The following KYNU variants were observed in gnomAD, a reference collection of about 807,000 sequenced individuals.
The protein encoded by KYNU is kynureninase, also known as L-kynurenine hydrolase.
In KYNU, 54 loss-of-function variants were observed where a neutral mutation model predicts 59.2. The observed-to-expected ratio is 0.91, with a 90% CI of 0.73 to 1.14. The LOEUF (loss-of-function observed/expected upper bound fraction) is 1.14. Among genes scored for constraint, KYNU ranks in the 50% most tolerant of loss-of-function variants. The pLI is 0.00. For missense variants in KYNU, 567 were observed against 554.4 expected, an observed-to-expected ratio of 1.02 and a Z score of -0.23; for synonymous variants, 177 against 192.0, an observed-to-expected ratio of 0.92 and a Z score of 0.65.
chr2:142,885,174 C>T (rs1681459996), intron 1 of KYNU, among the ~76,000 whole-genome samples, 175 bp from the exon 2 acceptor site: 1 of 149,680 alleles, frequency 6.7e-6, no homozygotes, highest in African/African-American at 2.5e-5. Flanking sequence ...CTATTTTCTT[C>T]TTTTCATATA....
intron 7 of KYNU, 103 bp from the exon 8 acceptor site, chr2:142,960,521 A>AC: frequency 9.5e-7 from 1 of 1,049,548 alleles, no homozygotes; most frequent in Non-Finnish European, 1.4e-6. Flanking sequence ...AAAAAAAACT[A>AC]TTTTATAATG....
intron 11 of KYNU, among the ~76,000 whole-genome samples, chr2:143,032,768 A>C (rs1686794625): frequency 1.8e-5 from 1 of 54,880 alleles, no homozygotes; most frequent in African/African-American, 5.4e-5. Flanking sequence ...AAGAGAAACC[A>C]CTTGACCTAA....
intron 1 of KYNU, among the ~76,000 whole-genome samples, chr2:142,885,001 G>A (rs558482648): frequency 7.4e-6 from 1 of 134,502 alleles, no homozygotes; most frequent in East Asian, 2.3e-4. Context: ...CACTTTGGGA[G>A]GCCGAGGTGG....
intron 2 of KYNU, among the ~76,000 whole-genome samples, chr2:142,911,328 A>G (rs568446229): frequency 6.6e-6 from 1 of 151,996 alleles, no homozygotes; most frequent in African/African-American, 2.4e-5. Flanking sequence ...CGCTGTTGCA[A>G]ATGGGATTGT....
chr2:143,024,966 CTT>C (rs1258488973), intron 10 of KYNU, among the ~76,000 whole-genome samples: 3 of 151,948 alleles, frequency 2.0e-5, no homozygotes, highest in African/African-American at 7.2e-5. Context: ...TCACAACTAT[CTT>C]TTGTCCCTTG....
Position 142,972,811 on chromosome 2 carries a change from TATAG to T in KYNU, c.729+12043_729+12046del, listed in dbSNP as rs1331824135. Among the ~76,000 whole-genome samples the T allele has an allele frequency of 3.1e-3, 413 of 132,272 alleles. 2 individuals are homozygous for T. The highest frequency in any genetic ancestry group is 0.01 in the African/African-American group (333 of 32,148). The allele number at this position is 132,272 out of a possible 152,430, so 86.8% of individuals were successfully genotyped here. A position where few individuals can be genotyped will look rare whatever the true frequency, so the allele number is the denominator to read the frequency against. Reference sequence around the variant, plus strand: ...GAGGCCATATATATATATATATATATATAGAGAGAGAGAGAGAGAGAGAGAGAGA... The same window carrying T: ...GAGGCCATATATATATATATATATATAGAGAGAGAGAGAGAGAGAGAGAGA... On this transcript the variant is annotated intron_variant, in intron 8 of 13. Coordinates refer to ENST00000264170, the MANE Select transcript of KYNU (RefSeq NM_003937.3).
intron 4 of KYNU, among the ~76,000 whole-genome samples, chr2:142,928,583 G>T (rs1219922025): frequency 6.6e-6 from 1 of 152,160 alleles, no homozygotes; most frequent in East Asian, 1.9e-4. Context: ...AGTGGGGAAA[G>T]CTGGACTTAT....
intron 4 of KYNU, among the ~76,000 whole-genome samples, chr2:142,934,187 G>A (rs2105031734): frequency 6.6e-6 from 1 of 152,302 alleles, no homozygotes; most frequent in South Asian, 2.1e-4. Flanking sequence ...TTAGGCCTAT[G>A]CGAGTTGCTT....
At chr2:142,906,693 T>G (rs1054017450) in intron 2 of KYNU, among the ~76,000 whole-genome samples, 3 of 152,088 alleles carry the variant, frequency 2.0e-5, no homozygotes, top group Admixed American at 6.5e-5. Context: ...AGGAGAATTT[T>G]GGGGCTACAC....
At chr2:142,940,966 T>C (rs1007544485) in intron 4 of KYNU, among the ~76,000 whole-genome samples, 8 of 152,216 alleles carry the variant, frequency 5.3e-5, no homozygotes, top group South Asian at 2.1e-4. Context: ...GCATAGGGCA[T>C]GGAAATGAGG....
At chr2:142,894,299 G>T (rs563775102) in intron 2 of KYNU, among the ~76,000 whole-genome samples, 4 of 152,052 alleles carry the variant, frequency 2.6e-5, no homozygotes, top group African/African-American at 9.7e-5. Flanking sequence ...GAAGCTTGTT[G>T]GGAGCATAGC....
intron 3 of KYNU, among the ~76,000 whole-genome samples, chr2:142,924,588 T>C (rs1198515140): frequency 1.3e-5 from 2 of 152,232 alleles, no homozygotes; most frequent in Admixed American, 6.5e-5. Context: ...TCCAGGTTTC[T>C]ATTAACTTCC....
intron 10 of KYNU, among the ~76,000 whole-genome samples, chr2:143,014,130 G>T (rs1287617364): frequency 6.6e-6 from 1 of 152,218 alleles, no homozygotes; most frequent in African/African-American, 2.4e-5. Context: ...AAAGATTATG[G>T]CACCAATTTG....
chr2:142,925,497 T>A (rs6755074), intron 3 of KYNU, among the ~76,000 whole-genome samples: 14 of 152,018 alleles, frequency 9.2e-5, no homozygotes, highest in Admixed American at 9.2e-4. Flanking sequence ...CAGGGTACTA[T>A]GTAACCGTCT....
At chr2:142,954,064 G>A (rs1472322365) in intron 4 of KYNU, 1 of 152,078 alleles carries the variant, frequency 6.6e-6, no homozygotes, top group Non-Finnish European at 1.5e-5. Flanking sequence ...TCAAAACATG[G>A]AAGGTATTAT....
intron 4 of KYNU, among the ~76,000 whole-genome samples, chr2:142,948,322 G>A (rs575859618): frequency 1.3e-5 from 2 of 152,286 alleles, no homozygotes; most frequent in South Asian, 2.1e-4. Context: ...TCTGGTTTAG[G>A]CTTTGGCTTA....
intron 10 of KYNU, among the ~76,000 whole-genome samples, chr2:142,999,914 G>A (rs1171627953): frequency 5.9e-5 from 9 of 152,086 alleles, no homozygotes; most frequent in Admixed American, 5.9e-4. Flanking sequence ...AAATGAACAT[G>A]TAGAGCATTC....
chr2:142,930,855 T>C (rs1164095884), intron 4 of KYNU, among the ~76,000 whole-genome samples: 2 of 152,214 alleles, frequency 1.3e-5, no homozygotes, highest in Non-Finnish European at 2.9e-5. Flanking sequence ...CTGTATCGGT[T>C]TGAACCCCGA....
chr2:142,960,717 TA>T lies in KYNU; in HGVS notation c.677del (p.Tyr226SerfsTer26), dbSNP rs755589161. 1 of 1,613,994 alleles carries T rather than the reference TA, an allele frequency of 6.2e-7. No individual in the cohort carries two copies. Among genetic ancestry groups the T allele is most frequent in the South Asian group, 1.1e-5 (1 of 91,082 alleles). ...GATCCTGTTCAGTGGGGTGCATTTT[TA>T]CACTGGACAGCACTTTAATATTCCT... ...AVILFSGVHFYTGQHFNIPAI... is the reference protein window; with the variant it reads ...AVILFSGVHFXTGQHFNIPAI... On this transcript the variant is annotated frameshift_variant, in exon 8 of 14. Transcript: ENST00000264170. LOFTEE classifies it high-confidence loss of function.
Sources: allele counts gnomAD v4.1 joint callset (sites outside exome capture counted in the v4.1 genomes callset), GRCh38; gene constraint gnomAD v4.1.1; transcripts MANE v1.5; gene names NCBI Gene and HGNC (gene_info 2026-07-23, HGNC 2026-07-21).